TRAPPC9: variants seen among roughly 807,000 people sequenced by gnomAD.
TRAPPC9 encodes IKK2 binding protein.
A neutral mutation model predicts 124.0 loss-of-function variants in TRAPPC9; 83 were observed. That is an observed-to-expected ratio of 0.67 (90% CI 0.56 to 0.80). The LOEUF is 0.80. Among genes scored for constraint, TRAPPC9 ranks in the 30% least tolerant of loss-of-function variants. The probability of loss-of-function intolerance (pLI) is 0.00; values close to 1 mark genes in which losing one functional copy is unlikely to be tolerated. For synonymous variants in TRAPPC9, 638 were observed against 617.5 expected, an observed-to-expected ratio of 1.03 and a Z score of -0.49; for missense variants, 1,302 against 1,508.3, an observed-to-expected ratio of 0.86 and a Z score of 2.27.
chr8:139,981,630 G>A (rs1277228461), intron 19 of TRAPPC9, among the ~76,000 whole-genome samples: 1 of 152,268 alleles, frequency 6.6e-6, no homozygotes, highest in Non-Finnish European at 1.5e-5. Flanking sequence ...GGCGAGAGGA[G>A]TAGCCAGATA....
chr8:140,457,394 C>G (rs995620106), intron 1 of TRAPPC9, among the ~76,000 whole-genome samples: 1 of 152,176 alleles, frequency 6.6e-6, no homozygotes, highest in African/African-American at 2.4e-5. Flanking sequence ...GAGTCTTCAG[C>G]GGGTGTGGGA....
intron 19 of TRAPPC9, among the ~76,000 whole-genome samples, chr8:139,965,786 G>GTGC (rs1835665765): frequency 1.2e-4 from 18 of 152,264 alleles, no homozygotes; most frequent in East Asian, 3.9e-4. Context: ...GCTCCATGTT[G>GTGC]AGCAGAGTTG....
rs1563706758 is a variant in TRAPPC9, at chr8:140,033,671, T to TTTTTTTG, written c.2557-9593_2557-9592insCAAAAAA. The stretch of plus-strand genomic sequence containing the variant: ...CTTCATAATGTGGTTTTTTTTTTTT[T>TTTTTTTG]TTTTTTTTTTTTTTTTTTTTTTTTT... On this transcript the variant is annotated intron_variant, in intron 17 of 22. Coordinates refer to ENST00000438773, the MANE Select transcript of TRAPPC9 (RefSeq NM_001160372.4). Among the ~76,000 whole-genome samples the TTTTTTTG allele has an allele frequency of 3.3e-4, 27 of 82,928 alleles. 2 individuals carry two copies. The highest frequency in any genetic ancestry group is 1.0e-3 in the East Asian group (3 of 2,908). The allele number at this position is 82,928 out of a possible 152,430, so 54.4% of individuals were successfully genotyped here.
chr8:140,319,570 G>A (rs1032010534), intron 9 of TRAPPC9, among the ~76,000 whole-genome samples: 7 of 151,950 alleles, frequency 4.6e-5, no homozygotes, highest in Admixed American at 2.0e-4. Context: ...AGGCTCAAGC[G>A]ATCCTCCCAC....
rs1410731780 is a variant in TRAPPC9, at chr8:139,825,490, T to C, written c.3055+60389A>G. Among the ~76,000 whole-genome samples, 3 of 151,982 alleles carry C rather than the reference T, an allele frequency of 2.0e-5. No homozygotes were observed. The highest frequency in any genetic ancestry group is 2.9e-5 in the Non-Finnish European group (2 of 67,952). ...CAGGGCCAGGTGGGGGCTGCATGGGTCCCATGCCCAACCTCAGACCTCAGG... is the reference window on the plus strand; with the variant it reads ...CAGGGCCAGGTGGGGGCTGCATGGGCCCCATGCCCAACCTCAGACCTCAGG... On this transcript the variant is annotated intron_variant, in intron 21 of 22. Coordinates refer to ENST00000438773, the MANE Select transcript of TRAPPC9 (RefSeq NM_001160372.4). This position sits in a 1 kb window ranked among gnomAD's most constrained non-coding sequence, Gnocchi z 4.6.
At chr8:140,225,733 G>A (rs2063435971) in intron 16 of TRAPPC9, among the ~76,000 whole-genome samples, 1 of 152,142 alleles carries the variant, frequency 6.6e-6, no homozygotes. Context: ...GTTGAGTGAA[G>A]GCCAGGTGCC....
At chr8:140,221,165 CA>C (rs1292712128) in intron 17 of TRAPPC9, among the ~76,000 whole-genome samples, 5 of 152,202 alleles carry the variant, frequency 3.3e-5, no homozygotes, top group Non-Finnish European at 5.9e-5. Flanking sequence ...ATAAACTTTT[CA>C]AATGAATAGA....
At chr8:139,974,207 T>C (rs1359083794) in intron 19 of TRAPPC9, among the ~76,000 whole-genome samples, 2 of 152,162 alleles carry the variant, frequency 1.3e-5, no homozygotes, top group Non-Finnish European at 2.9e-5. Flanking sequence ...CCCAGCAGGC[T>C]CATGTATCGG....
intron 21 of TRAPPC9, among the ~76,000 whole-genome samples, chr8:139,822,222 C>T (rs1424278984): frequency 6.6e-6 from 1 of 152,130 alleles, no homozygotes; most frequent in Non-Finnish European, 1.5e-5. Context: ...GTATTAGCAT[C>T]TACTCCAGGC....
intron 5 of TRAPPC9, 67 bp from the exon 6 acceptor site, chr8:140,405,765 G>A (rs2069467677): frequency 1.3e-5 from 20 of 1,592,818 alleles, no homozygotes; most frequent in Non-Finnish European, 1.6e-5. Context: ...TGTTAAAGAG[G>A]AGCATGAATA....
intron 18 of TRAPPC9, among the ~76,000 whole-genome samples, chr8:140,013,949 C>T (rs1232391019): frequency 6.6e-6 from 1 of 152,188 alleles, no homozygotes; most frequent in Non-Finnish European, 1.5e-5. Flanking sequence ...CAGATACAGG[C>T]GCATGGGGCT....
At chr8:139,858,369 G>C (rs996357725) in intron 21 of TRAPPC9, among the ~76,000 whole-genome samples, 2 of 152,178 alleles carry the variant, frequency 1.3e-5, no homozygotes, top group Non-Finnish European at 2.9e-5. Flanking sequence ...GTGCCTCCCC[G>C]GGGCCTCCGC....
At chr8:139,764,901 C>T (rs1259483536) in intron 21 of TRAPPC9, among the ~76,000 whole-genome samples, 2 of 152,172 alleles carry the variant, frequency 1.3e-5, no homozygotes, top group African/African-American at 2.4e-5. Context: ...ACTCGGTTCT[C>T]GTCCCAGAAC....
intron 21 of TRAPPC9, among the ~76,000 whole-genome samples, chr8:139,761,695 TG>T (rs1820237477): frequency 6.6e-6 from 1 of 152,064 alleles, no homozygotes. Flanking sequence ...CTCCAGGTGC[TG>T]GGTCACCCCC....
chr8:140,335,099 C>T (rs561659092), intron 9 of TRAPPC9, among the ~76,000 whole-genome samples: 43 of 152,046 alleles, frequency 2.8e-4, no homozygotes, highest in Non-Finnish European at 4.9e-4. Context: ...TGAATCAAAT[C>T]GTGAATGTCC....
At chr8:140,229,301 C>T (rs1268075532) in intron 16 of TRAPPC9, among the ~76,000 whole-genome samples, 2 of 133,130 alleles carry the variant, frequency 1.5e-5, no homozygotes, top group South Asian at 2.5e-4. Context: ...ATCTCTCTGT[C>T]GCCCAGGCTG....
At chr8:140,067,318 T>A (rs1842939580) in intron 17 of TRAPPC9, among the ~76,000 whole-genome samples, 1 of 152,136 alleles carries the variant, frequency 6.6e-6, no homozygotes, top group African/African-American at 2.4e-5. Context: ...TAATTTTTTG[T>A]ATTTTTACTA....
chr8:139,995,958 G>A lies in TRAPPC9; in HGVS notation c.2700-7122C>T, dbSNP rs148705382. On this transcript the variant is annotated intron_variant, in intron 18 of 22. Transcript: ENST00000438773. Reference sequence around the variant, plus strand: ...ATTATAGTCAAGATGTCCAGAATACGATCTAAAATAACTCAACACAGAACC... The same window carrying A: ...ATTATAGTCAAGATGTCCAGAATACAATCTAAAATAACTCAACACAGAACC... Among the ~76,000 whole-genome samples the A allele has an allele frequency of 1.9e-3, 278 of 145,954 alleles. 1 individual carries two copies. Among genetic ancestry groups the A allele is most frequent in the Middle Eastern group, 7.2e-3 (2 of 278 alleles).
At chr8:139,826,743 GGAA>G (rs965986889) in intron 21 of TRAPPC9, among the ~76,000 whole-genome samples, 1 of 152,152 alleles carries the variant, frequency 6.6e-6, no homozygotes, top group African/African-American at 2.4e-5. Flanking sequence ...AAGCAAGGTT[GGAA>G]GGGAAGGAAA....
Sources: allele counts gnomAD v4.1 joint callset (sites outside exome capture counted in the v4.1 genomes callset), GRCh38; gene constraint gnomAD v4.1.1; non-coding constraint Gnocchi (gnomAD v3.1); transcripts MANE v1.5; gene names NCBI Gene and HGNC (gene_info 2026-07-23, HGNC 2026-07-21).